Variants in GRM8 observed in about 807,000 individuals in gnomAD.
GRM8 encodes glutamate metabotropic receptor 8, also known as metabotropic glutamate receptor 8.
A neutral mutation model predicts 87.2 loss-of-function variants in GRM8; 47 were observed. The ratio of observed to expected loss-of-function variants is 0.54; its 90% CI spans 0.43 to 0.69. GRM8 has a LOEUF of 0.69. Ranked by LOEUF, GRM8 falls within the 30% of genes least tolerant of loss-of-function variation. GRM8 has a pLI of 0.00. For missense variants in GRM8, 1,019 were observed against 1,139.2 expected, an observed-to-expected ratio of 0.89 and a Z score of 1.52; for synonymous variants, 396 against 404.5, an observed-to-expected ratio of 0.98 and a Z score of 0.25.
At chr7:126,633,720 AC>A (rs1563038154) in intron 7 of GRM8, among the ~76,000 whole-genome samples, 1 of 151,870 alleles carries the variant, frequency 6.6e-6, no homozygotes. Flanking sequence ...TGTTAAAATA[AC>A]CTCTTTCACT....
At chr7:127,157,053 T>A (rs1182467420) in intron 2 of GRM8, among the ~76,000 whole-genome samples, 1 of 151,772 alleles carries the variant, frequency 6.6e-6, no homozygotes, top group Non-Finnish European at 1.5e-5. Context: ...GAGGAGAGGA[T>A]AATAAAGCAG....
chr7:127,128,572 A>G (rs1360723666), intron 2 of GRM8, among the ~76,000 whole-genome samples: 1 of 152,164 alleles, frequency 6.6e-6, no homozygotes, highest in Non-Finnish European at 1.5e-5. Flanking sequence ...TAATTATTGT[A>G]AACTTTCCAA....
chr7:127,148,522 G>T (rs1393642222), intron 2 of GRM8, among the ~76,000 whole-genome samples: 1 of 151,862 alleles, frequency 6.6e-6, no homozygotes, highest in African/African-American at 2.4e-5. Context: ...TATAATACAT[G>T]CACATTTTTC....
At chr7:127,239,991 T>C (rs1344325658) in intron 2 of GRM8, among the ~76,000 whole-genome samples, 1 of 152,184 alleles carries the variant, frequency 6.6e-6, no homozygotes, top group Non-Finnish European at 1.5e-5. Flanking sequence ...TCATGACATC[T>C]ACCATAACAG....
At chr7:126,586,121 C>G (rs1318675033) in intron 8 of GRM8, among the ~76,000 whole-genome samples, 1 of 152,030 alleles carries the variant, frequency 6.6e-6, no homozygotes, top group African/African-American at 2.4e-5. Flanking sequence ...ATCCAACTTA[C>G]AAGGGATGTG....
At chr7:127,026,693 T>TGCTTG (rs1816815663) in intron 3 of GRM8, among the ~76,000 whole-genome samples, 1 of 150,742 alleles carries the variant, frequency 6.6e-6, no homozygotes, top group African/African-American at 2.4e-5. Context: ...TTTTGATGGT[T>TGCTTG]TTTTCTTGTA....
chr7:126,939,429 T>C lies in GRM8; in HGVS notation c.728-34746A>G, dbSNP rs150990983. Among the ~76,000 whole-genome samples, 692 of 152,290 alleles carry C rather than the reference T, an allele frequency of 4.5e-3. 7 individuals carry two copies. Among genetic ancestry groups the C allele is most frequent in the African/African-American group, 0.016 (665 of 41,560 alleles). On this transcript the variant is annotated intron_variant, in intron 3 of 10. Coordinates refer to ENST00000339582, the MANE Select transcript of GRM8 (RefSeq NM_000845.3). ...ATCTTTGAGACTAGGTTTCCTCATCTATAACATGGAAAAACAATATCTCCC... is the reference window on the plus strand; with the variant it reads ...ATCTTTGAGACTAGGTTTCCTCATCCATAACATGGAAAAACAATATCTCCC...
At chr7:126,849,352 G>A (rs1439037860) in intron 6 of GRM8, among the ~76,000 whole-genome samples, 1 of 152,074 alleles carries the variant, frequency 6.6e-6, no homozygotes, top group African/African-American at 2.4e-5. Context: ...TCTCAAAGGA[G>A]GGAATTTTAA....
At chr7:126,745,326 C>T (rs1367401827) in intron 7 of GRM8, among the ~76,000 whole-genome samples, 2 of 150,974 alleles carry the variant, frequency 1.3e-5, no homozygotes, top group African/African-American at 4.9e-5. Context: ...GTGGAAGAAA[C>T]CAGGACACAG....
chr7:126,616,747 C>T (rs920081557), intron 7 of GRM8, among the ~76,000 whole-genome samples: 1 of 152,160 alleles, frequency 6.6e-6, no homozygotes, highest in African/African-American at 2.4e-5. Context: ...ACTATAAACA[C>T]CACTGCGGAA....
intron 3 of GRM8, among the ~76,000 whole-genome samples, chr7:127,008,318 C>T (rs1253911589): frequency 1.3e-5 from 2 of 152,056 alleles, no homozygotes; most frequent in Admixed American, 1.3e-4. Context: ...TAGCAACTGA[C>T]TGATTCAAAT....
chr7:126,783,689 G>A (rs1022151434), intron 6 of GRM8, among the ~76,000 whole-genome samples: 1 of 152,138 alleles, frequency 6.6e-6, no homozygotes, highest in Non-Finnish European at 1.5e-5. Flanking sequence ...TACATAAAAG[G>A]TAGAGTTGGT....
intron 6 of GRM8, among the ~76,000 whole-genome samples, chr7:126,799,007 A>C (rs1461699456): frequency 6.6e-6 from 1 of 152,132 alleles, no homozygotes; most frequent in Non-Finnish European, 1.5e-5. Flanking sequence ...CCTCAGAGAC[A>C]TTATATAAGG....
intron 6 of GRM8, among the ~76,000 whole-genome samples, chr7:126,861,735 C>T (rs568590403): frequency 6.6e-6 from 1 of 151,806 alleles, no homozygotes; most frequent in South Asian, 2.1e-4. Flanking sequence ...AGTTTTTATT[C>T]TACTCAATCA....
chr7:126,891,624 CTACTGATAATCTCTTTTTCT>C (rs1801017619), intron 6 of GRM8, among the ~76,000 whole-genome samples: 1 of 151,968 alleles, frequency 6.6e-6, no homozygotes, highest in South Asian at 2.1e-4. Context: ...AATAATAATA[CTACTGATAATCTCTTTTTCT>C]TAATTCTGCT....
At chr7:126,513,830 C>T (rs1811771028) in intron 9 of GRM8, among the ~76,000 whole-genome samples, 1 of 152,114 alleles carries the variant, frequency 6.6e-6, no homozygotes, top group African/African-American at 2.4e-5. Flanking sequence ...AGATTAAATA[C>T]TGATTCCAAA....
At chr7:127,242,533 T>C (rs1563604055) in intron 2 of GRM8, among the ~76,000 whole-genome samples, 162 bp downstream of exon 2, 1 of 151,778 alleles carries the variant, frequency 6.6e-6, no homozygotes, top group Non-Finnish European at 1.5e-5. Flanking sequence ...AACCAATACA[T>C]GTAGAATGCC....
At chr7:127,043,546 A>G (rs573847521) in intron 3 of GRM8, among the ~76,000 whole-genome samples, 6 of 152,168 alleles carry the variant, frequency 3.9e-5, no homozygotes, top group Admixed American at 2.0e-4. Flanking sequence ...GTTCTCACTC[A>G]TAGGTGGGAA....
chr7:126,924,437 G>A (rs909744805), intron 3 of GRM8, among the ~76,000 whole-genome samples: 2 of 152,114 alleles, frequency 1.3e-5, no homozygotes, highest in African/African-American at 4.8e-5. Flanking sequence ...TAATCCCTCT[G>A]GATCTCATGG....
Sources: gnomAD v4.1 joint callset for allele counts (sites outside exome capture counted in the v4.1 genomes callset) on GRCh38, gnomAD v4.1.1 for gene constraint, MANE v1.5 for transcripts, NCBI Gene and HGNC (gene_info 2026-07-23, HGNC 2026-07-21) for gene names.